The following NEK10 variants were observed in gnomAD, a reference collection of about 807,000 sequenced individuals.
NEK10 encodes the protein serine/threonine-protein kinase Nek10.
In NEK10, 122 loss-of-function variants were observed where a neutral mutation model predicts 159.8. That is an observed-to-expected ratio of 0.76 (90% CI 0.66 to 0.89). The LOEUF is 0.89. NEK10 is among the 40% of genes least tolerant of loss of function. The pLI, the probability that NEK10 is intolerant of heterozygous loss-of-function variation, is 0.00. For synonymous variants in NEK10, 466 were observed against 457.1 expected (o/e 1.02, Z -0.25); for missense variants, 1,342 against 1,323.1 (o/e 1.01, Z -0.22).
chr3:27,233,263 T>C (rs889789341), intron 23 of NEK10, among the ~76,000 whole-genome samples: 2 of 151,978 alleles, frequency 1.3e-5, no homozygotes, highest in African/African-American at 4.8e-5. Flanking sequence ...AAAGAAGACA[T>C]AGAAACAACC....
At chr3:27,253,176 C>T (rs1412163870) in intron 23 of NEK10, among the ~76,000 whole-genome samples, 1 of 151,998 alleles carries the variant, frequency 6.6e-6, no homozygotes, top group Non-Finnish European at 1.5e-5. Flanking sequence ...TTATACTAAG[C>T]CATAGACTAA....
chr3:27,317,013 G>C (rs1369436155), intron 6 of NEK10, among the ~76,000 whole-genome samples: 1 of 152,160 alleles, frequency 6.6e-6, no homozygotes, highest in Non-Finnish European at 1.5e-5. Context: ...TACTCCTGTG[G>C]AATAAAGTTT....
intron 5 of NEK10, among the ~76,000 whole-genome samples, chr3:27,329,825 A>G (rs1043479961): frequency 2.0e-5 from 3 of 151,734 alleles, no homozygotes; most frequent in Non-Finnish European, 3.0e-5. Context: ...CATCTCCCAC[A>G]TCTATCAAAT....
chr3:27,342,748 C>T (rs2149776649), intron 5 of NEK10, among the ~76,000 whole-genome samples: 2 of 152,088 alleles, frequency 1.3e-5, no homozygotes, highest in East Asian at 3.9e-4. Context: ...AGTGCCTTCC[C>T]CCAAAGTATT....
chr3:27,364,035 C>T (rs2048871020), intron 1 of NEK10, among the ~76,000 whole-genome samples: 2 of 151,782 alleles, frequency 1.3e-5, no homozygotes, highest in East Asian at 1.9e-4. Flanking sequence ...TTAGAACCGT[C>T]AACAACTAGA....
intron 31 of NEK10, among the ~76,000 whole-genome samples, chr3:27,139,907 G>C (rs1361293116): frequency 6.6e-6 from 1 of 152,184 alleles, no homozygotes; most frequent in Non-Finnish European, 1.5e-5. Context: ...GGGAGCACCA[G>C]CATCCTTGAA....
intron 23 of NEK10, among the ~76,000 whole-genome samples, chr3:27,236,239 A>T (rs1953902295): frequency 6.6e-6 from 1 of 152,226 alleles, no homozygotes; most frequent in African/African-American, 2.4e-5. Flanking sequence ...AATCTATATA[A>T]CTAACAATGT....
chr3:27,329,052 C>G (rs986383180), intron 5 of NEK10, among the ~76,000 whole-genome samples: 2 of 152,106 alleles, frequency 1.3e-5, no homozygotes, highest in African/African-American at 2.4e-5. Context: ...GTGGGAGGGA[C>G]CTGGTGGGAG....
At chr3:27,288,938 G>C (rs567532361) in intron 19 of NEK10, among the ~76,000 whole-genome samples, 4 of 152,242 alleles carry the variant, frequency 2.6e-5, no homozygotes, top group African/African-American at 9.6e-5. Context: ...AGTTAGAGAA[G>C]ATTTCTCAGC....
intron 22 of NEK10, among the ~76,000 whole-genome samples, chr3:27,260,557 C>T (rs1171951517): frequency 6.6e-6 from 1 of 152,114 alleles, no homozygotes; most frequent in Admixed American, 6.6e-5. Flanking sequence ...GCCTTGCATC[C>T]CAGGGATGAA....
At chr3:27,215,554 T>C (rs1206424915) in intron 23 of NEK10, 8 of 467,428 alleles carry the variant, frequency 1.7e-5, no homozygotes, top group Non-Finnish European at 3.0e-5. Flanking sequence ...TGACTCTTCT[T>C]TCCTTGGATG....
At chr3:27,180,572 AT>A (rs1340184896) in intron 26 of NEK10, among the ~76,000 whole-genome samples, 2 of 152,212 alleles carry the variant, frequency 1.3e-5, no homozygotes, top group African/African-American at 4.8e-5. Context: ...ATTAAAGAGT[AT>A]GGAATTAGAA....
chr3:27,325,308 T>A lies in NEK10; in HGVS notation c.363-3047A>T, dbSNP rs1487982600. ...AAGCGAGGGAGATAATGGAAGCTAT[T>A]CTAGACTAGAATCTATATAATTTCT... On this transcript the variant is annotated intron_variant, in intron 5 of 35. Coordinates refer to ENST00000691995, the MANE Select transcript of NEK10 (RefSeq NM_001394966.1). Among the ~76,000 whole-genome samples the A allele has an allele frequency of 2.0e-5, 3 of 152,252 alleles. No individual in the cohort carries two copies. In the East Asian group the frequency reaches 5.8e-4, roughly 29 times the overall value.
intron 1 of NEK10, among the ~76,000 whole-genome samples, chr3:27,354,690 T>C (rs1191059222): frequency 6.6e-6 from 1 of 152,212 alleles, no homozygotes; most frequent in Non-Finnish European, 1.5e-5. Context: ...ATATGTTAAG[T>C]TGCCCAAAGG....
intron 23 of NEK10, among the ~76,000 whole-genome samples, chr3:27,254,069 G>A (rs934951995): frequency 6.6e-6 from 1 of 152,130 alleles, no homozygotes; most frequent in African/African-American, 2.4e-5. Flanking sequence ...CTCATCCGGT[G>A]CGCAGGGCAA....
chr3:27,219,522 G>T (rs564179546), intron 23 of NEK10, among the ~76,000 whole-genome samples: 1 of 152,190 alleles, frequency 6.6e-6, no homozygotes, highest in Non-Finnish European at 1.5e-5. Flanking sequence ...TTAGTGGATT[G>T]CCTATGTTGA....
intron 23 of NEK10, among the ~76,000 whole-genome samples, chr3:27,249,216 T>C (rs186419747): frequency 1.6e-3 from 243 of 152,320 alleles, no homozygotes; most frequent in African/African-American, 5.4e-3. Flanking sequence ...TCCACCATGT[T>C]TGTAAGTTTC....
chr3:27,322,518 T>G (rs2045720656), intron 5 of NEK10, among the ~76,000 whole-genome samples: 1 of 152,184 alleles, frequency 6.6e-6, no homozygotes, highest in Admixed American at 6.5e-5. Flanking sequence ...CAGTAATATT[T>G]CATAGTACCC....
chr3:27,344,062 C>T (rs1575839926), intron 5 of NEK10, among the ~76,000 whole-genome samples: 2 of 152,258 alleles, frequency 1.3e-5, no homozygotes, highest in Admixed American at 1.3e-4. Context: ...AGTGTTTTCC[C>T]ATTTTTCCTT....
Sources: gnomAD v4.1 joint callset for allele counts (sites outside exome capture counted in the v4.1 genomes callset) on GRCh38, gnomAD v4.1.1 for gene constraint, MANE v1.5 for transcripts, NCBI Gene and HGNC (gene_info 2026-07-23, HGNC 2026-07-21) for gene names.